KLHL32: variants seen among roughly 807,000 people sequenced by gnomAD.
The protein encoded by KLHL32 is kelch like family member 32, also known as kelch-like protein 32.
In KLHL32, 35 loss-of-function variants were observed where a neutral mutation model predicts 64.8. The ratio of observed to expected loss-of-function variants is 0.54; its 90% CI spans 0.41 to 0.72. The LOEUF (loss-of-function observed/expected upper bound fraction) is 0.72. KLHL32 is among the 30% of genes least tolerant of loss of function. The pLI is 0.00. For synonymous variants in KLHL32, 259 were observed against 281.0 expected (o/e 0.92, Z 0.78); for missense variants, 589 against 768.5 (o/e 0.77, Z 2.76).
At chr6:97,008,452 C>T (rs1779940391) in intron 3 of KLHL32, among the ~76,000 whole-genome samples, 1 of 152,120 alleles carries the variant, frequency 6.6e-6, no homozygotes, top group Admixed American at 6.5e-5. Context: ...CCAGGTATGA[C>T]AGTCACCCCT....
intron 3 of KLHL32, among the ~76,000 whole-genome samples, chr6:97,004,670 T>A (rs1779441824): frequency 1.3e-5 from 2 of 152,222 alleles, no homozygotes; most frequent in East Asian, 3.9e-4. Flanking sequence ...TTTATTGAGT[T>A]TTTTTTAACA....
At chr6:97,020,934 A>G (rs1554218954) in intron 3 of KLHL32, among the ~76,000 whole-genome samples, 1 of 150,760 alleles carries the variant, frequency 6.6e-6, no homozygotes, top group Non-Finnish European at 1.5e-5. Flanking sequence ...TGGTGATCTC[A>G]CAGGATCTCA....
chr6:97,020,709 T>G (rs1446607897), intron 3 of KLHL32, among the ~76,000 whole-genome samples: 1 of 151,026 alleles, frequency 6.6e-6, no homozygotes, highest in African/African-American at 2.5e-5. Context: ...AGTCCTCATT[T>G]TCCTCAACGC....
chr6:97,085,348 G>T lies in KLHL32; in HGVS notation c.627+7G>T. On this transcript the variant is annotated splice_region_variant and intron_variant, in intron 6 of 10. Transcript: ENST00000369261. ...TGAAGAGCAGATCTGGCAGGTAAGG[G>T]CGCTGTGCACGGTCGCTTTTGGCAC... 6.2e-7 allele frequency: 1 copy of T among 1,611,816 alleles called. No individual in the cohort carries two copies. The highest frequency in any genetic ancestry group is 8.5e-7 in the Non-Finnish European group (1 of 1,179,568).
chr6:97,045,948 G>T (rs957005106), intron 4 of KLHL32, among the ~76,000 whole-genome samples: 1 of 152,148 alleles, frequency 6.6e-6, no homozygotes, highest in Non-Finnish European at 1.5e-5. Flanking sequence ...AGCCAAATGA[G>T]ATGAAAATAT....
chr6:96,940,179 A>C (rs1448676436), intron 1 of KLHL32, among the ~76,000 whole-genome samples: 1 of 152,224 alleles, frequency 6.6e-6, no homozygotes, highest in Non-Finnish European at 1.5e-5. Context: ...AGCTGTCTTT[A>C]GGACGTTGAG....
chr6:97,018,600 C>CA (rs11319122), intron 3 of KLHL32, among the ~76,000 whole-genome samples: 2,380 of 122,252 alleles, frequency 0.019, 41 homozygotes, highest in East Asian at 0.055. Flanking sequence ...GACTCAGTCT[C>CA]AAAAAAAAAA....
At chr6:97,059,969 G>T (rs1788608151) in intron 4 of KLHL32, among the ~76,000 whole-genome samples, 1 of 152,050 alleles carries the variant, frequency 6.6e-6, no homozygotes, top group Non-Finnish European at 1.5e-5. Context: ...TCTCATAAAT[G>T]GTATTAGACC....
the KLHL32 span, among the ~76,000 whole-genome samples, chr6:96,898,694 GA>G: frequency 1.4e-3 from 211 of 147,794 alleles, 1 homozygote; most frequent in African/African-American, 5.0e-3. Flanking sequence ...TAAGACGTCA[GA>G]AAAAAAAAAC....
chr6:97,072,370 G>A, intron 5 of KLHL32, among the ~76,000 whole-genome samples: 1 of 152,032 alleles, frequency 6.6e-6, no homozygotes, highest in Non-Finnish European at 1.5e-5. Context: ...GATAGATTTT[G>A]AAAAGTTTTC....
intron 3 of KLHL32, among the ~76,000 whole-genome samples, chr6:97,003,077 C>G (rs1037265333): frequency 1.3e-5 from 2 of 152,128 alleles, no homozygotes; most frequent in Non-Finnish European, 2.9e-5. Flanking sequence ...CGCCAAAGTT[C>G]TGTCCACAAT....
intron 2 of KLHL32, 72 bp downstream of exon 2, chr6:96,967,155 CA>C (rs1462255903): frequency 1.6e-5 from 23 of 1,398,560 alleles, no homozygotes; most frequent in Non-Finnish European, 2.1e-5. Context: ...GTTCTAGGAT[CA>C]AGCACAAAGC....
chr6:97,030,371 A>G (rs1480104616), intron 3 of KLHL32, among the ~76,000 whole-genome samples: 2 of 152,220 alleles, frequency 1.3e-5, no homozygotes, highest in Admixed American at 6.5e-5. Flanking sequence ...TTAGGACTCA[A>G]TTTGCATCAC....
chr6:96,903,181 GAACA>G, the KLHL32 span, among the ~76,000 whole-genome samples: 1 of 151,438 alleles, frequency 6.6e-6, no homozygotes, highest in African/African-American at 2.4e-5. Flanking sequence ...GAAAATAAAA[GAACA>G]AATAAAATAC....
intron 4 of KLHL32, among the ~76,000 whole-genome samples, chr6:97,060,236 G>A (rs1206117): frequency 0.25 from 37,864 of 150,496 alleles, 6,038 homozygotes; most frequent in African/African-American, 0.44. Context: ...ACAGGCAGGA[G>A]AAAAAAAAAG....
intron 1 of KLHL32, among the ~76,000 whole-genome samples, chr6:96,936,610 A>G (rs769123661): frequency 1.3e-5 from 2 of 152,196 alleles, no homozygotes; most frequent in African/African-American, 2.4e-5. Context: ...GTCCCAGTCA[A>G]CATTACCTGT....
At chr6:96,953,785 TTATTTATA>T (rs71545724) in intron 1 of KLHL32, among the ~76,000 whole-genome samples, 33,387 of 151,762 alleles carry the variant, frequency 0.22, 3,840 homozygotes, top group Admixed American at 0.27. Flanking sequence ...AATCTAAATG[TTATTTATA>T]TAATCAAACC....
At chr6:96,921,318 G>C (rs983560195), upstream of KLHL32, among the ~76,000 whole-genome samples, 1 of 152,200 alleles carries the variant, frequency 6.6e-6, no homozygotes, top group Admixed American at 6.5e-5. Context: ...ATGTGGCAGA[G>C]AAAATGTAAA....
At chr6:96,951,522 C>T (rs537033223) in intron 1 of KLHL32, among the ~76,000 whole-genome samples, 9 of 152,210 alleles carry the variant, frequency 5.9e-5, no homozygotes, top group South Asian at 2.1e-4. Flanking sequence ...CCTTAACCAT[C>T]GCTGGTAAGG....
Sources: allele counts gnomAD v4.1 joint callset (sites outside exome capture counted in the v4.1 genomes callset), GRCh38; gene constraint gnomAD v4.1.1; transcripts MANE v1.5; gene names NCBI Gene and HGNC (gene_info 2026-07-23, HGNC 2026-07-21).